FRZB: variants seen among roughly 807,000 people sequenced by gnomAD.
FRZB encodes frizzled related protein.
In FRZB, 34 loss-of-function variants were observed where a neutral mutation model predicts 32.5. That is an observed-to-expected ratio of 1.05 (90% CI 0.80 to 1.39). FRZB has a LOEUF of 1.39. Among genes scored for constraint, FRZB ranks in the 40% most tolerant of loss-of-function variants. FRZB has a pLI of 0.00. For missense variants in FRZB, 423 were observed against 424.8 expected (o/e 1.00, Z 0.04); for synonymous variants, 170 against 159.2 (o/e 1.07, Z -0.51).
At chr2:182,850,368 C>T (rs904264848) in intron 2 of FRZB, among the ~76,000 whole-genome samples, 3 of 152,172 alleles carry the variant, frequency 2.0e-5, no homozygotes, top group Admixed American at 6.5e-5. Flanking sequence ...TCTCTTCATT[C>T]CCTCCTCCAC....
chr2:182,834,921 A>G lies in FRZB; in HGVS notation c.906T>C (p.Asp302=), dbSNP rs41270213. The change falls in exon 6 of 6, where the codon GAT becomes GAC. Residue 302 remains aspartate, a synonymous_variant. Coordinates refer to ENST00000295113, the MANE Select transcript of FRZB (RefSeq NM_001463.4). Reference sequence around the variant, plus strand: ...TCTGAGTGGAATCACTATTGCTAGAATCACTTTTACTGAGTCCAAGATGAC... The same window carrying G: ...TCTGAGTGGAATCACTATTGCTAGAGTCACTTTTACTGAGTCCAAGATGAC... ...KLRHLGLSKS[D]SSNSDSTQSQ... 9.5e-3 allele frequency: 15,277 copies of G among 1,613,182 alleles called. 94 individuals are homozygous for G. The highest frequency in any genetic ancestry group is 0.012 in the Non-Finnish European group (14,043 of 1,179,382).
intron 5 of FRZB, among the ~76,000 whole-genome samples, chr2:182,836,509 C>T (rs796778148): frequency 8.6e-5 from 13 of 151,898 alleles, no homozygotes; most frequent in South Asian, 2.1e-4. Flanking sequence ...AAGTCCCCTG[C>T]GGAAAACAAT....
chr2:182,834,798 C>A lies in FRZB; in HGVS notation c.*51G>T. 1 of 1,283,228 alleles carries A rather than the reference C, an allele frequency of 7.8e-7. No individual in the cohort carries two copies. Among genetic ancestry groups the A allele is most frequent in the South Asian group, 1.2e-5 (1 of 84,370 alleles). The allele number at this position is 1,283,228 out of a possible 1,614,324, so 79.5% of individuals were successfully genotyped here. A position where few individuals can be genotyped will look rare whatever the true frequency, so the allele number is the denominator to read the frequency against. ...ATTTTCCTTTGCTAGTCCAGCAATG[C>A]AAGTAAGTCTTAATAGGAAGTCCAC... On this transcript the variant is annotated 3_prime_UTR_variant, in exon 6 of 6. Transcript: ENST00000295113.
rs1695496414 is a variant in FRZB at position 182,834,025 on chromosome 2, G to A, written c.*824C>T. 2 of 152,078 alleles carry A rather than the reference G, an allele frequency of 1.3e-5. No homozygotes were observed. The highest frequency in any genetic ancestry group is 4.8e-5 in the African/African-American group (2 of 41,402). The allele number at this position is 152,078 out of a possible 1,614,324, so 9.4% of individuals were successfully genotyped here. On this transcript the variant is annotated 3_prime_UTR_variant, in exon 6 of 6. Coordinates refer to ENST00000295113, the MANE Select transcript of FRZB (RefSeq NM_001463.4). ...GAAAAAAAAAGACTTTCACCAATGG[G>A]TTTATTTAAAAGGAAGCAAATTAAA...
chr2:182,851,291 T>C (rs556930679), intron 2 of FRZB, among the ~76,000 whole-genome samples: 55 of 152,300 alleles, frequency 3.6e-4, no homozygotes, highest in African/African-American at 1.3e-3. Context: ...GTTTCAGTAC[T>C]AGGGACTTAG....
rs1484628474 is a variant in FRZB at position 182,845,043 on chromosome 2, TC to T, written c.527-2501del. On this transcript the variant is annotated intron_variant, in intron 2 of 5. Coordinates refer to ENST00000295113, the MANE Select transcript of FRZB (RefSeq NM_001463.4). ...GTAATAAGGAGAAGCTGAGTTTATATCCACAAAGCTCAAATATGAAAGAACC... is the reference window on the plus strand; with the variant it reads ...GTAATAAGGAGAAGCTGAGTTTATATCACAAAGCTCAAATATGAAAGAACC... Among the ~76,000 whole-genome samples the T allele has an allele frequency of 5.3e-5, 8 of 152,284 alleles. No homozygotes were observed. The East Asian group carries it at 1.5e-3, about 29-fold the overall frequency.
intron 2 of FRZB, among the ~76,000 whole-genome samples, chr2:182,851,001 C>A (rs1044237914): frequency 2.6e-5 from 4 of 152,150 alleles, no homozygotes; most frequent in African/African-American, 9.7e-5. Flanking sequence ...TACCTGTTGG[C>A]CATTTGTAAG....
rs1559045219 is a variant in FRZB at position 182,834,615 on chromosome 2, G to A, written c.*234C>T. The A allele has an allele frequency of 2.1e-6, 1 of 486,158 alleles. No homozygotes were observed. The highest frequency in any genetic ancestry group is 3.7e-6 in the Non-Finnish European group (1 of 271,920). 30.1% of individuals were successfully genotyped at this position (486,158 alleles called of 1,614,324 possible). On this transcript the variant is annotated 3_prime_UTR_variant, in exon 6 of 6. Coordinates refer to ENST00000295113, the MANE Select transcript of FRZB (RefSeq NM_001463.4). ...AAGAACAGTTTTTCTCATGATTAGT[G>A]AAATAGAAAACTCACAATATACTTA...
At chr2:182,858,916 T>A (rs1695800363) in intron 1 of FRZB, 83 bp from the exon 2 acceptor site, 1 of 1,173,646 alleles carries the variant, frequency 8.5e-7, no homozygotes, top group Non-Finnish European at 1.3e-6. Context: ...CAGTCACAAG[T>A]TTGATTTGGG....
Position 182,866,391 on chromosome 2 carries a change from G to T in FRZB, c.162C>A (p.Pro54=). The change falls in exon 1 of 6, where the codon CCC becomes CCA. Residue 54 remains proline (P), a synonymous_variant. Coordinates refer to ENST00000295113, the MANE Select transcript of FRZB (RefSeq NM_001463.4). The surrounding 1 kb of genome is among the most constrained non-coding windows in gnomAD (Gnocchi z 4.5). ...CCTGAGTGCTGTGGTGCAGGTGGTT[G>T]GGCATCTTAGTCATGTTCCAGGGCA... is the stretch of plus-strand genomic sequence containing the variant. ...KSLPWNMTKM[P]NHLHHSTQAN... 6 of 1,612,572 alleles carry T rather than the reference G, an allele frequency of 3.7e-6. No homozygotes were observed. Among genetic ancestry groups the T allele is most frequent in the Non-Finnish European group, 5.1e-6 (6 of 1,178,904 alleles).
chr2:182,850,065 C>G (rs1383605687), intron 2 of FRZB, among the ~76,000 whole-genome samples: 1 of 152,192 alleles, frequency 6.6e-6, no homozygotes, highest in African/African-American at 2.4e-5. Context: ...ATGTCATTGG[C>G]ACATATTGTG....
At chr2:182,845,510 G>A (rs570227235) in intron 2 of FRZB, among the ~76,000 whole-genome samples, 2 of 152,172 alleles carry the variant, frequency 1.3e-5, no homozygotes, top group Admixed American at 1.3e-4. Context: ...TTTCACTGTT[G>A]AGAAGAAAAG....
At chr2:182,845,732 C>T (rs1362320822) in intron 2 of FRZB, among the ~76,000 whole-genome samples, 1 of 152,126 alleles carries the variant, frequency 6.6e-6, no homozygotes, top group African/African-American at 2.4e-5. Flanking sequence ...GCTACATTTA[C>T]CAGCAGCCAT....
intron 2 of FRZB, among the ~76,000 whole-genome samples, chr2:182,844,666 A>G (rs1695621631): frequency 6.6e-6 from 1 of 152,212 alleles, no homozygotes. Context: ...TTACTTACAT[A>G]TCTTTGCTTG....
Position 182,842,478 on chromosome 2 carries a change from C to G in FRZB, c.592G>C (p.Val198Leu). The change falls in exon 3 of 6, where the codon GTC (valine) becomes CTC (leucine). Residue 198 changes from valine to leucine, a missense_variant and splice_region_variant. By Grantham distance (32) the Val-to-Leu change is conservative. Transcript: ENST00000295113. ...KTYFRNNYNY[V>L]IRAKVKEIKT... The stretch of plus-strand genomic sequence containing the variant: ...ACATCAACCATGAAATTTTCCTTAC[C>G]ATAGTTGTAATTGTTCCGGAAATAG... 1 of 1,610,492 alleles carries G rather than the reference C, an allele frequency of 6.2e-7. No individual in the cohort carries two copies. The highest frequency in any genetic ancestry group is 8.5e-7 in the Non-Finnish European group (1 of 1,176,964).
At chr2:182,853,193 A>G (rs148213039) in intron 2 of FRZB, among the ~76,000 whole-genome samples, 13 of 152,354 alleles carry the variant, frequency 8.5e-5, no homozygotes, top group Admixed American at 5.9e-4. Flanking sequence ...AGAACTGGAA[A>G]ACATTTTTAA....
chr2:182,863,188 CAG>C (rs1308566143), intron 1 of FRZB, among the ~76,000 whole-genome samples: 3 of 152,160 alleles, frequency 2.0e-5, no homozygotes, highest in African/African-American at 4.8e-5. Context: ...GATGTCGGGG[CAG>C]AGTCATTCAC....
chr2:182,834,855 G>A lies in FRZB; in HGVS notation c.972C>T (p.Arg324=). 1.2e-6 allele frequency: 2 copies of A among 1,610,576 alleles called. No individual in the cohort carries two copies. Among genetic ancestry groups the A allele is most frequent in the Non-Finnish European group, 1.7e-6 (2 of 1,176,984 alleles). ...ACTTTTTGTATTTCGGGATTTAGTT[G>A]CGTGCTTGCCGGGGGTTCGAGTTCC... The part of the protein sequence containing the change: ...SGRNSNPRQA[R]N Residue 324 remains arginine, a synonymous_variant, in exon 6 of 6, where the codon CGC becomes CGT. Transcript: ENST00000295113.
chr2:182,859,415 A>T (rs1695805933), intron 1 of FRZB, among the ~76,000 whole-genome samples: 2 of 152,170 alleles, frequency 1.3e-5, no homozygotes, highest in African/African-American at 4.8e-5. Flanking sequence ...TCTTTTTAGG[A>T]TGCCATAATC....
Sources: gnomAD v4.1 joint callset for allele counts (sites outside exome capture counted in the v4.1 genomes callset) on GRCh38, gnomAD v4.1.1 for gene constraint, Gnocchi (gnomAD v3.1) non-coding constraint, MANE v1.5 for transcripts, NCBI Gene and HGNC (gene_info 2026-07-23, HGNC 2026-07-21) for gene names.